Variants in PAK1 observed in about 807,000 individuals in gnomAD.
PAK1 encodes the protein serine/threonine-protein kinase PAK 1.
In PAK1, 29 loss-of-function variants were observed where a neutral mutation model predicts 67.4. The ratio of observed to expected loss-of-function variants is 0.43; its 90% CI spans 0.32 to 0.59. The LOEUF (loss-of-function observed/expected upper bound fraction) is 0.59. PAK1 is among the 20% of genes least tolerant of loss of function. PAK1 has a pLI of 0.07. For missense variants in PAK1, 337 were observed against 670.7 expected (o/e 0.50, Z 5.50); for synonymous variants, 223 against 237.4 (o/e 0.94, Z 0.56).
chr11:77,355,005 C>T (rs1235853249), intron 7 of PAK1, among the ~76,000 whole-genome samples: 1 of 152,100 alleles, frequency 6.6e-6, no homozygotes, highest in Non-Finnish European at 1.5e-5. Flanking sequence ...CAGCAAGAGG[C>T]AGTATGCTCT....
intron 1 of PAK1, among the ~76,000 whole-genome samples, chr11:77,401,379 G>A (rs1339859124): frequency 6.6e-6 from 1 of 152,084 alleles, no homozygotes; most frequent in African/African-American, 2.4e-5. Flanking sequence ...GAAAACTGTT[G>A]GCTGTTTCTG....
chr11:77,463,561 T>C (rs941573971), intron 1 of PAK1, among the ~76,000 whole-genome samples: 3 of 152,248 alleles, frequency 2.0e-5, no homozygotes, highest in Admixed American at 2.0e-4. Flanking sequence ...CATCAATATT[T>C]ATTTACTTGT....
intron 1 of PAK1, among the ~76,000 whole-genome samples, chr11:77,426,387 A>G (rs1256800315): frequency 6.6e-6 from 1 of 152,210 alleles, no homozygotes; most frequent in Non-Finnish European, 1.5e-5. Context: ...GACAAAGTCA[A>G]AACCAGAGTC....
chr11:77,445,394 A>G (rs1410594919), intron 1 of PAK1, among the ~76,000 whole-genome samples: 1 of 152,190 alleles, frequency 6.6e-6, no homozygotes, highest in African/African-American at 2.4e-5. Context: ...AAACTACTAA[A>G]GTTTGTACCC....
intron 2 of PAK1, among the ~76,000 whole-genome samples, chr11:77,385,965 C>T (rs960324879): frequency 1.6e-4 from 24 of 152,160 alleles, no homozygotes; most frequent in African/African-American, 5.8e-4. Context: ...TTTCTCAGCC[C>T]ATTCATTAAG....
chr11:77,405,936 G>A (rs968620222), intron 1 of PAK1, among the ~76,000 whole-genome samples: 1 of 152,098 alleles, frequency 6.6e-6, no homozygotes, highest in South Asian at 2.1e-4. Flanking sequence ...ACGTTACTCA[G>A]TATCTTGGCA....
At chr11:77,357,537 T>C (rs1324010522) in intron 6 of PAK1, among the ~76,000 whole-genome samples, 1 of 152,162 alleles carries the variant, frequency 6.6e-6, no homozygotes, top group Non-Finnish European at 1.5e-5. Flanking sequence ...CCTTCTTTAA[T>C]AGTCTCCTTC....
At chr11:77,470,868 A>G (rs1301342176) in intron 1 of PAK1, among the ~76,000 whole-genome samples, 1 of 152,210 alleles carries the variant, frequency 6.6e-6, no homozygotes, top group African/African-American at 2.4e-5. Flanking sequence ...AACGAACAAA[A>G]GACTAGGCTA....
intron 5 of PAK1, among the ~76,000 whole-genome samples, chr11:77,367,647 A>T (rs1232935663): frequency 6.6e-6 from 1 of 152,232 alleles, no homozygotes; most frequent in Non-Finnish European, 1.5e-5. Flanking sequence ...AGGAAAAGAG[A>T]GAAAATCCTT....
chr11:77,412,479 G>T (rs1565684620), intron 1 of PAK1, among the ~76,000 whole-genome samples: 1 of 152,018 alleles, frequency 6.6e-6, no homozygotes, highest in Non-Finnish European at 1.5e-5. Context: ...CCAGGCTGGA[G>T]TGCAGTGGTT....
intron 5 of PAK1, among the ~76,000 whole-genome samples, chr11:77,373,368 C>G (rs914824855): frequency 6.6e-6 from 1 of 151,886 alleles, no homozygotes; most frequent in African/African-American, 2.4e-5. Flanking sequence ...TCTACCAAAA[C>G]TTTTAAAAAA....
chr11:77,441,150 G>C (rs1378446736), intron 1 of PAK1, among the ~76,000 whole-genome samples: 1 of 151,896 alleles, frequency 6.6e-6, no homozygotes, highest in Non-Finnish European at 1.5e-5. Flanking sequence ...AATCAGCTTA[G>C]AGACAGGAGA....
chr11:77,346,587 T>C (rs1944457813), intron 9 of PAK1, among the ~76,000 whole-genome samples: 1 of 152,170 alleles, frequency 6.6e-6, no homozygotes, highest in African/African-American at 2.4e-5. Context: ...AAGCAATAAA[T>C]TTAGACAATA....
At chr11:77,529,518 A>AT in the PAK1 span, among the ~76,000 whole-genome samples, 1 of 152,040 alleles carries the variant, frequency 6.6e-6, no homozygotes, top group African/African-American at 2.4e-5. Context: ...GTCTATTCTT[A>AT]TTTTTTCCAC....
intron 1 of PAK1, among the ~76,000 whole-genome samples, chr11:77,431,072 A>C (rs1309746784): frequency 1.4e-5 from 2 of 146,980 alleles, no homozygotes; most frequent in African/African-American, 5.0e-5. Flanking sequence ...AACCACCCCC[A>C]CCCCCACAAG....
chr11:77,332,429 AGAAAG>A (rs1442783180), intron 14 of PAK1, among the ~76,000 whole-genome samples: 1 of 142,376 alleles, frequency 7.0e-6, no homozygotes, highest in Non-Finnish European at 1.5e-5. Context: ...GAAAGGAAGA[AGAAAG>A]GAAAGGAAGG....
At chr11:77,526,534 A>G in the PAK1 span, among the ~76,000 whole-genome samples, 24 of 152,348 alleles carry the variant, frequency 1.6e-4, no homozygotes, top group East Asian at 3.8e-3. Context: ...AAAAAGTAAA[A>G]TGCAGAACAA....
chr11:77,330,657 T>C (rs1941274719), intron 14 of PAK1, among the ~76,000 whole-genome samples: 3 of 152,228 alleles, frequency 2.0e-5, no homozygotes, highest in African/African-American at 7.2e-5. Context: ...GAGACTTAAA[T>C]GTTAGACCTA....
chr11:77,501,664 T>A, the PAK1 span, among the ~76,000 whole-genome samples: 2 of 152,326 alleles, frequency 1.3e-5, no homozygotes, highest in Admixed American at 1.3e-4. Context: ...CCCCAGGGTC[T>A]CTGATAGGAA....
Sources: allele counts gnomAD v4.1 joint callset (sites outside exome capture counted in the v4.1 genomes callset), GRCh38; gene constraint gnomAD v4.1.1; transcripts MANE v1.5; gene names NCBI Gene and HGNC (gene_info 2026-07-23, HGNC 2026-07-21).